The following ENTREP2 variants were observed in gnomAD, a reference collection of about 807,000 sequenced individuals.
ENTREP2 encodes the protein protein ENTREP2.
At chr15:29,135,562 T>C in the ENTREP2 span, among the ~76,000 whole-genome samples, 1 of 152,178 alleles carries the variant, frequency 6.6e-6, no homozygotes, top group Non-Finnish European at 1.5e-5. This position sits in a 1 kb window ranked among gnomAD's most constrained non-coding sequence, Gnocchi z 7.4. Flanking sequence ...AAAGGGTGAC[T>C]GACTTGCTGA....
At chr15:29,319,103 A>G in the ENTREP2 span, among the ~76,000 whole-genome samples, 2 of 152,224 alleles carry the variant, frequency 1.3e-5, no homozygotes, top group Admixed American at 6.5e-5. Flanking sequence ...ACCAAGGCAG[A>G]GCCCTGAGAG....
chr15:29,285,561 T>C, the ENTREP2 span, among the ~76,000 whole-genome samples: 1 of 152,224 alleles, frequency 6.6e-6, no homozygotes. Context: ...AGCTTCTGAA[T>C]CTGGAATTCC....
At chr15:29,589,435 CT>C in the ENTREP2 span, among the ~76,000 whole-genome samples, 1 of 152,170 alleles carries the variant, frequency 6.6e-6, no homozygotes, top group Non-Finnish European at 1.5e-5. Context: ...TTTTAAACAA[CT>C]CAATTTTGTG....
the ENTREP2 span, among the ~76,000 whole-genome samples, chr15:29,585,787 C>T: frequency 6.8e-6 from 1 of 147,126 alleles, no homozygotes; most frequent in Non-Finnish European, 1.5e-5. Flanking sequence ...ACCCAGAAGG[C>T]GGAACTTGCA....
At chr15:29,575,207 G>C in the ENTREP2 span, among the ~76,000 whole-genome samples, 5 of 152,096 alleles carry the variant, frequency 3.3e-5, no homozygotes, top group Non-Finnish European at 5.9e-5. Flanking sequence ...TCTTTTTGCA[G>C]GTGCCCAGAA....
the ENTREP2 span, among the ~76,000 whole-genome samples, chr15:29,320,573 G>A: frequency 6.6e-6 from 1 of 152,182 alleles, no homozygotes; most frequent in South Asian, 2.1e-4. Flanking sequence ...AATTTGGAAG[G>A]ACTAAATGGG....
chr15:29,617,733 C>G, the ENTREP2 span, among the ~76,000 whole-genome samples: 8 of 152,318 alleles, frequency 5.3e-5, no homozygotes, highest in African/African-American at 1.9e-4. Context: ...GGACATTGGG[C>G]AGGAGGCGCT....
At chr15:29,128,960 G>A in the ENTREP2 span, 3 of 743,182 alleles carry the variant, frequency 4.0e-6, no homozygotes, top group South Asian at 1.8e-5. Flanking sequence ...GTCTCCTGGT[G>A]GGAAGCGCTG....
the ENTREP2 span, among the ~76,000 whole-genome samples, chr15:29,647,315 C>T: frequency 6.6e-6 from 1 of 152,150 alleles, no homozygotes; most frequent in Admixed American, 6.5e-5. Flanking sequence ...GGAATAAAAC[C>T]AATTATACAT....
the ENTREP2 span, among the ~76,000 whole-genome samples, chr15:29,159,000 G>A: frequency 4.7e-5 from 7 of 149,414 alleles, no homozygotes; most frequent in African/African-American, 1.3e-4. Flanking sequence ...CATACATATA[G>A]CCTACACGTT....
At chr15:29,140,932 C>T in the ENTREP2 span, among the ~76,000 whole-genome samples, 2 of 152,164 alleles carry the variant, frequency 1.3e-5, no homozygotes, top group African/African-American at 4.8e-5. Context: ...CTCATGCACC[C>T]GATGTGGGCA....
chr15:29,561,684 T>C, the ENTREP2 span, among the ~76,000 whole-genome samples: 2 of 128,944 alleles, frequency 1.6e-5, no homozygotes, highest in Non-Finnish European at 3.4e-5. Context: ...CGAGACTCCA[T>C]CTCAAAATTA....
the ENTREP2 span, among the ~76,000 whole-genome samples, chr15:29,260,486 G>A: frequency 2.2e-4 from 34 of 152,090 alleles, no homozygotes; most frequent in African/African-American, 7.5e-4. Flanking sequence ...CAAGAAAGTC[G>A]ATCAATGTAA....
At chr15:29,179,047 T>A in the ENTREP2 span, among the ~76,000 whole-genome samples, 1 of 152,212 alleles carries the variant, frequency 6.6e-6, no homozygotes, top group Non-Finnish European at 1.5e-5. Context: ...TTCTGCAGGA[T>A]GTTGTATTTG....
chr15:29,238,114 A>C, the ENTREP2 span, among the ~76,000 whole-genome samples: 123 of 152,330 alleles, frequency 8.1e-4, 1 homozygote, highest in African/African-American at 2.9e-3. Context: ...ACTACATATT[A>C]TGTGATTCCA....
chr15:29,330,373 C>T, the ENTREP2 span, among the ~76,000 whole-genome samples: 4 of 152,022 alleles, frequency 2.6e-5, no homozygotes, highest in South Asian at 2.1e-4. Context: ...CGTTTGAACC[C>T]GGGAGGCAGA....
At chr15:29,133,199 ACCT>A in the ENTREP2 span, among the ~76,000 whole-genome samples, 1 of 149,602 alleles carries the variant, frequency 6.7e-6, no homozygotes, top group Non-Finnish European at 1.5e-5. Context: ...CTGCCTGGTA[ACCT>A]CCTCAAGGTC....
At chr15:29,506,506 G>T in the ENTREP2 span, among the ~76,000 whole-genome samples, 1 of 152,184 alleles carries the variant, frequency 6.6e-6, no homozygotes, top group Non-Finnish European at 1.5e-5. Context: ...GGCAGCCAGA[G>T]AGAAAGGTCG....
At chr15:29,121,107 C>T in the ENTREP2 span, 2 of 152,274 alleles carry the variant, frequency 1.3e-5, no homozygotes, top group Admixed American at 1.3e-4. Flanking sequence ...GTTTCCGTAT[C>T]CACAAAACAG....
Sources: gnomAD v4.1 joint callset for allele counts (sites outside exome capture counted in the v4.1 genomes callset) on GRCh38, gnomAD v4.1.1 for gene constraint, Gnocchi (gnomAD v3.1) non-coding constraint, MANE v1.5 for transcripts, NCBI Gene and HGNC (gene_info 2026-07-23, HGNC 2026-07-21) for gene names.